The following SLC14A2 variants were observed in gnomAD, a reference collection of about 807,000 sequenced individuals.
SLC14A2 encodes urea transporter 2.
A neutral mutation model predicts 104.6 loss-of-function variants in SLC14A2; 91 were observed. The ratio of observed to expected loss-of-function variants is 0.87; its 90% CI spans 0.73 to 1.04. The LOEUF is 1.04. SLC14A2 is among the 50% of genes least tolerant of loss of function. The pLI is 0.00. For missense variants in SLC14A2, 1,189 were observed against 1,156.0 expected (o/e 1.03, Z -0.41); for synonymous variants, 476 against 466.4 (o/e 1.02, Z -0.27).
chr18:45,210,660 G>A (rs964177270), upstream of SLC14A2, among the ~76,000 whole-genome samples: 9 of 152,222 alleles, frequency 5.9e-5, no homozygotes, highest in African/African-American at 2.2e-4. Flanking sequence ...TCTAAGTACA[G>A]CATCATGGAC....
intron 1 of SLC14A2, among the ~76,000 whole-genome samples, chr18:45,311,884 A>G (rs2144217864): frequency 6.6e-6 from 1 of 152,358 alleles, no homozygotes; most frequent in African/African-American, 2.4e-5. Context: ...GCAGAGGCCA[A>G]GACGTGGGAG....
chr18:45,193,643 G>A, the SLC14A2 span, among the ~76,000 whole-genome samples: 1 of 152,268 alleles, frequency 6.6e-6, no homozygotes, highest in South Asian at 2.1e-4. Flanking sequence ...AAATCAGGTA[G>A]TGTTAGCCAT....
intron 2 of SLC14A2, among the ~76,000 whole-genome samples, chr18:45,484,729 G>GTCTC (rs145658355): frequency 1.3e-5 from 2 of 150,022 alleles, no homozygotes; most frequent in Non-Finnish European, 3.0e-5. Context: ...CTAACTCACT[G>GTCTC]TCTCTCTCTC....
chr18:45,565,114 G>T (rs542201353), intron 2 of SLC14A2, among the ~76,000 whole-genome samples: 37 of 151,848 alleles, frequency 2.4e-4, no homozygotes, highest in African/African-American at 8.5e-4. Context: ...TTGTGAGCGT[G>T]CATGCATGTG....
intron 2 of SLC14A2, among the ~76,000 whole-genome samples, chr18:45,532,020 G>T (rs2043699067): frequency 6.6e-6 from 1 of 152,124 alleles, no homozygotes; most frequent in Admixed American, 6.5e-5. Context: ...TAGATATGCG[G>T]CATTATTTCT....
At chr18:45,203,097 G>A in the SLC14A2 span, among the ~76,000 whole-genome samples, 2 of 152,176 alleles carry the variant, frequency 1.3e-5, no homozygotes, top group East Asian at 1.9e-4. Context: ...GCCATTGAAA[G>A]AGAACGGGAT....
At chr18:45,235,633 C>G (rs1160888495) in intron 1 of SLC14A2, among the ~76,000 whole-genome samples, 1 of 151,502 alleles carries the variant, frequency 6.6e-6, no homozygotes, top group Admixed American at 6.6e-5. Context: ...TCTGTGAGAT[C>G]AATTTGTTTG....
At chr18:45,255,506 T>C (rs772228203) in intron 1 of SLC14A2, among the ~76,000 whole-genome samples, 1 of 152,198 alleles carries the variant, frequency 6.6e-6, no homozygotes, top group Non-Finnish European at 1.5e-5. Flanking sequence ...CACAGACAAA[T>C]AGTCAATTTG....
chr18:45,369,199 T>C (rs2036283820), intron 1 of SLC14A2, among the ~76,000 whole-genome samples: 2 of 152,178 alleles, frequency 1.3e-5, no homozygotes, highest in Admixed American at 1.3e-4. Flanking sequence ...TTCCGCTTGA[T>C]TCCCTAGAGC....
chr18:45,172,158 C>T, the SLC14A2 span, among the ~76,000 whole-genome samples: 431 of 152,270 alleles, frequency 2.8e-3, 2 homozygotes, highest in African/African-American at 9.3e-3. Context: ...TCTTTGCACT[C>T]CCCACAGGGA....
intron 1 of SLC14A2, among the ~76,000 whole-genome samples, chr18:45,260,380 T>C (rs1363557420): frequency 3.9e-5 from 6 of 152,186 alleles, no homozygotes. Flanking sequence ...TCTTTAAATT[T>C]GAAGAGCAAA....
intron 2 of SLC14A2, among the ~76,000 whole-genome samples, chr18:45,488,958 C>T (rs1424570134): frequency 6.6e-6 from 1 of 152,246 alleles, no homozygotes; most frequent in Non-Finnish European, 1.5e-5. Context: ...CTTTTCCACA[C>T]ATCCAGGCTG....
intron 2 of SLC14A2, among the ~76,000 whole-genome samples, chr18:45,580,763 G>T (rs543606652): frequency 8.6e-4 from 131 of 152,286 alleles, no homozygotes; most frequent in Admixed American, 8.4e-3. Context: ...ACGGGTAAGG[G>T]GCAAAGCTGA....
rs5824592 is a variant in SLC14A2, at chr18:45,525,130, G to GACAC, written c.-35+41830_-35+41833dup. On this transcript the variant is annotated intron_variant, in intron 2 of 20. Coordinates refer to the SLC14A2 transcript ENST00000586448. ...GATGTTTTTGAAATCTTTGCATATA[G>GACAC]ACACACACACACACACACACACACA... Among the ~76,000 whole-genome samples the GACAC allele has an allele frequency of 2.3e-3, 351 of 149,632 alleles. 2 individuals carry two copies. The highest frequency in any genetic ancestry group is 7.8e-3 in the African/African-American group (317 of 40,704).
chr18:45,611,307 T>A (rs1210261159), upstream of SLC14A2, among the ~76,000 whole-genome samples: 2 of 152,190 alleles, frequency 1.3e-5, no homozygotes, highest in Non-Finnish European at 2.9e-5. Context: ...CAGCCCTTCC[T>A]CTTGACTCCA....
At position 45,622,256 on chromosome 18, in the gene SLC14A2, G is replaced by T. The variant is rs554331940; in HGVS notation, c.-34-2375G>T. 8.5e-5 allele frequency among the ~76,000 whole-genome samples: 13 copies of T among 152,300 alleles called. No individual in the cohort carries two copies. In the South Asian group the frequency reaches 2.7e-3, roughly 32 times the overall value. ...CTAACTGGTGACCATGAACGTGAAG[G>T]CATATTTTTTAGAGACAGAATTGTT... is the stretch of plus-strand genomic sequence containing the variant. On this transcript the variant is annotated intron_variant, in intron 1 of 19. Transcript: ENST00000255226.
chr18:45,556,965 C>T (rs2044140690), intron 2 of SLC14A2, among the ~76,000 whole-genome samples: 1 of 152,196 alleles, frequency 6.6e-6, no homozygotes, highest in African/African-American at 2.4e-5. Flanking sequence ...CCCAAATAAA[C>T]CCAAAGTAAC....
intron 1 of SLC14A2, among the ~76,000 whole-genome samples, chr18:45,228,333 G>A (rs2084139990): frequency 6.6e-6 from 1 of 152,184 alleles, no homozygotes; most frequent in Non-Finnish European, 1.5e-5. Flanking sequence ...TTTTCTGGAA[G>A]GGGAGCTGTT....
chr18:45,608,616 C>T (rs547527552), intron 2 of SLC14A2, among the ~76,000 whole-genome samples: 1 of 152,336 alleles, frequency 6.6e-6, no homozygotes, highest in African/African-American at 2.4e-5. Flanking sequence ...AGACAAATTC[C>T]ATCTTTTCAG....
Sources: gnomAD v4.1 joint callset for allele counts (sites outside exome capture counted in the v4.1 genomes callset) on GRCh38, gnomAD v4.1.1 for gene constraint, MANE v1.5 for transcripts, NCBI Gene and HGNC (gene_info 2026-07-23, HGNC 2026-07-21) for gene names.